TSR1: variants seen among roughly 807,000 people sequenced by gnomAD.
The protein encoded by TSR1 is TSR1 ribosome maturation factor.
In TSR1, 81 loss-of-function variants were observed where a neutral mutation model predicts 90.9. That is an observed-to-expected ratio of 0.89 (90% CI 0.74 to 1.07). The LOEUF (loss-of-function observed/expected upper bound fraction) is 1.07. Among genes scored for constraint, TSR1 ranks in the 50% least tolerant of loss-of-function variants. TSR1 has a pLI of 0.00. For synonymous variants in TSR1, 362 were observed against 348.8 expected (o/e 1.04, Z -0.42); for missense variants, 989 against 987.3 (o/e 1.00, Z -0.02).
At chr17:2,335,802 C>A in intron 2 of TSR1, 72 bp from the exon 3 acceptor site, 3 of 1,501,116 alleles carry the variant, frequency 2.0e-6, no homozygotes, top group East Asian at 2.4e-5. Flanking sequence ...TTTCCACTCC[C>A]ACAGATGCTC....
In TSR1 at chr17:2,330,553, G is replaced by T. The variant is rs368194441; in HGVS notation, c.1732C>A (p.Pro578Thr). ...SVVECFRQGT[P>T]LIAFSLLPHE... Reference sequence around the variant, plus strand: ...GGTAGTAAAGAAAATGCAATCAAGGGTGTTCCTTGCCTGAAGCACTCGACC... The same window carrying T: ...GGTAGTAAAGAAAATGCAATCAAGGTTGTTCCTTGCCTGAAGCACTCGACC... Residue 578 changes from proline to threonine, a missense_variant, in exon 10 of 15, where the codon CCC becomes ACC. By Grantham distance (38) the Pro-to-Thr change is conservative (BLOSUM62 -1). Transcript: ENST00000301364. 6.2e-7 allele frequency: 1 copy of T among 1,613,836 alleles called. No homozygotes were observed. Among genetic ancestry groups the T allele is most frequent in the Admixed American group, 1.7e-5 (1 of 59,974 alleles).
chr17:2,327,093 G>A (rs1017087309), intron 11 of TSR1, among the ~76,000 whole-genome samples: 9 of 150,660 alleles, frequency 6.0e-5, no homozygotes, highest in African/African-American at 1.7e-4. Context: ...CAACAAGAGT[G>A]AAACTCCATC....
At chr17:2,330,027 C>T (rs545344814) in intron 10 of TSR1, among the ~76,000 whole-genome samples, 3 of 152,222 alleles carry the variant, frequency 2.0e-5, no homozygotes, top group South Asian at 4.1e-4. Context: ...TCAAGCAATT[C>T]TTCTGCCTCA....
chr17:2,334,616 T>A lies in TSR1; in HGVS notation c.837A>T (p.Arg279=). The A allele has an allele frequency of 6.2e-7, 1 of 1,614,132 alleles. No individual in the cohort carries two copies. Among genetic ancestry groups the A allele is most frequent in the East Asian group, 2.2e-5 (1 of 44,894 alleles). Residue 279 remains arginine (R), a synonymous_variant, in exon 5 of 15, where the codon CGA becomes CGT. Transcript: ENST00000301364. The part of the protein sequence containing the change: ...VGTLKISGYV[R]GQTLNVNRLL... ...ACCTATTGACATTCAGAGTCTGCCC[T>A]CGAACATAGCCTGAAATTTTCAAGG...
chr17:2,324,948 T>C (rs546110899), intron 12 of TSR1, 119 bp from the exon 13 acceptor site: 3 of 1,174,544 alleles, frequency 2.6e-6, no homozygotes, highest in African/African-American at 3.1e-5. Flanking sequence ...CCTAGCCCAA[T>C]CTGAGGCTAA....
chr17:2,326,662 A>C (rs755538132), intron 11 of TSR1, among the ~76,000 whole-genome samples: 10 of 152,188 alleles, frequency 6.6e-5, no homozygotes, highest in Non-Finnish European at 1.2e-4. Flanking sequence ...AACTTATAGG[A>C]AAATAAAATA....
intron 1 of TSR1, 66 bp downstream of exon 1, chr17:2,336,265 T>C: frequency 6.2e-7 from 1 of 1,608,110 alleles, no homozygotes; most frequent in Non-Finnish European, 8.5e-7. Context: ...AAGCTCAGTC[T>C]GGGCATGAGG....
intron 5 of TSR1, 59 bp downstream of exon 5, chr17:2,334,413 T>A (rs2064029817): frequency 1.3e-6 from 2 of 1,551,354 alleles, no homozygotes; most frequent in Non-Finnish European, 1.8e-6. Flanking sequence ...TTCTCTGAAT[T>A]TAAGTTTCCT....
At position 2,322,684 on chromosome 17, in the gene TSR1, T is replaced by G. The variant is rs2075541821; in HGVS notation, c.*1512A>C. The stretch of plus-strand genomic sequence containing the variant: ...CCTGGCTAGTTTTTTTTTGTTTTTT[T>G]TTTTTGTATTTTTAGTAGAGACGGG... On this transcript the variant is annotated 3_prime_UTR_variant, in exon 15 of 15. Coordinates refer to ENST00000301364, the MANE Select transcript of TSR1 (RefSeq NM_018128.5). 1 of 154,144 alleles carries G rather than the reference T, an allele frequency of 6.5e-6. No individual in the cohort carries two copies. The highest frequency in any genetic ancestry group is 6.4e-5 in the Admixed American group (1 of 15,530). 9.5% of individuals were successfully genotyped at this position (154,144 alleles called of 1,614,324 possible).
intron 8 of TSR1, 54 bp from the exon 9 acceptor site, chr17:2,331,163 T>C (rs889288825): frequency 1.3e-5 from 18 of 1,416,496 alleles, no homozygotes; most frequent in African/African-American, 8.7e-5. Flanking sequence ...TGGTGCTATA[T>C]AGACTCAAGT....
At chr17:2,331,223 C>G in intron 8 of TSR1, 114 bp from the exon 9 acceptor site, 1 of 862,672 alleles carries the variant, frequency 1.2e-6, no homozygotes, top group Non-Finnish European at 1.7e-6. Flanking sequence ...CAATCATCCT[C>G]TCTCCAAACA....
rs1198997891 is a variant in TSR1, at chr17:2,331,154, G to A, written c.1497-45C>T. ...TAAAGACATTAAGTCAGATTTATAT[G>A]GTGCTATATAGACTCAAGTCACTGC... On this transcript the variant is annotated intron_variant, in intron 8 of 14. Coordinates refer to ENST00000301364, the MANE Select transcript of TSR1 (RefSeq NM_018128.5). 1.0e-5 allele frequency: 15 copies of A among 1,473,718 alleles called. 1 individual carries two copies. The Admixed American group carries it at 2.5e-4, about 24-fold the overall frequency. 91.3% of individuals were successfully genotyped at this position (1,473,718 alleles called of 1,614,324 possible). A position where few individuals can be genotyped will look rare whatever the true frequency, so the allele number is the denominator to read the frequency against.
intron 10 of TSR1, 132 bp from the exon 11 acceptor site, chr17:2,329,607 G>A (rs2075593963): frequency 8.9e-7 from 1 of 1,122,410 alleles, no homozygotes; most frequent in Non-Finnish European, 1.3e-6. Flanking sequence ...ATGGTGGAGT[G>A]TAGATGCTGA....
Position 2,332,866 on chromosome 17 carries a change from A to G in TSR1, c.1305+95T>C, listed in dbSNP as rs2064016937. The G allele has an allele frequency of 2.4e-6, 3 of 1,256,634 alleles. No homozygotes were observed. The African/African-American group carries it at 4.6e-5, about 19-fold the overall frequency. 77.8% of individuals were successfully genotyped at this position (1,256,634 alleles called of 1,614,324 possible). ...AAAAAAAATAAAAAAAATAAAAAAA[A>G]GAAACTAACCACACACACCCATCAA... On this transcript the variant is annotated intron_variant, in intron 7 of 14. Coordinates refer to ENST00000301364, the MANE Select transcript of TSR1 (RefSeq NM_018128.5).
chr17:2,333,905 C>G (rs1313486168), intron 5 of TSR1, among the ~76,000 whole-genome samples, 189 bp from the exon 6 acceptor site: 1 of 152,042 alleles, frequency 6.6e-6, no homozygotes, highest in East Asian at 1.9e-4. Context: ...CTGCTTGGCT[C>G]TTGAGGTCTT....
intron 11 of TSR1, among the ~76,000 whole-genome samples, chr17:2,325,698 T>C (rs1032507589): frequency 2.0e-5 from 3 of 151,844 alleles, no homozygotes; most frequent in African/African-American, 7.3e-5. Context: ...CTGCAACCTC[T>C]GCCTCCCGGG....
intron 4 of TSR1, 45 bp downstream of exon 4, chr17:2,335,215 G>A: frequency 1.9e-6 from 3 of 1,585,194 alleles, no homozygotes; most frequent in Non-Finnish European, 1.7e-6. Context: ...ACCAGGCATA[G>A]TGCCTGACAA....
chr17:2,333,104 TAGAACTTTCCTTCA>T lies in TSR1; in HGVS notation c.1148_1161del (p.Leu383Ter), dbSNP rs768274062. 6.2e-7 allele frequency: 1 copy of T among 1,613,582 alleles called. No homozygotes were observed. ...CCTTTGGGGACCTTCTTTACCACCT[TAGAACTTTCCTTCA>T]AGAAATCTGTAAAAGCCCAAACAAA... On this transcript the variant is annotated frameshift_variant, in exon 7 of 15. Transcript: ENST00000301364. LOFTEE classifies it high-confidence loss of function.
intron 8 of TSR1, among the ~76,000 whole-genome samples, chr17:2,331,621 T>C (rs1381501214): frequency 6.6e-6 from 1 of 152,214 alleles, no homozygotes; most frequent in Non-Finnish European, 1.5e-5. Context: ...CCCCAGAAGC[T>C]GAGCAGATGC....
Sources: gnomAD v4.1 joint callset for allele counts (sites outside exome capture counted in the v4.1 genomes callset) on GRCh38, gnomAD v4.1.1 for gene constraint, MANE v1.5 for transcripts, NCBI Gene and HGNC (gene_info 2026-07-23, HGNC 2026-07-21) for gene names.